NR6A1: variants seen among roughly 807,000 people sequenced by gnomAD.
The protein encoded by NR6A1 is nuclear receptor subfamily 6 group A member 1.
A neutral mutation model predicts 59.1 loss-of-function variants in NR6A1; 7 were observed. The observed-to-expected ratio is 0.12, with a 90% CI of 0.07 to 0.22. The LOEUF (loss-of-function observed/expected upper bound fraction) is 0.22. Ranked by LOEUF, NR6A1 falls within the 10% of genes least tolerant of loss-of-function variation. NR6A1 has a pLI of 1.00. For synonymous variants in NR6A1, 243 were observed against 236.1 expected (o/e 1.03, Z -0.27); for missense variants, 468 against 611.6 (o/e 0.77, Z 2.48).
intron 2 of NR6A1, among the ~76,000 whole-genome samples, chr9:124,616,234 T>C (rs995241754): frequency 6.6e-6 from 1 of 151,170 alleles, no homozygotes; most frequent in Non-Finnish European, 1.5e-5. Flanking sequence ...AAACCCCAAC[T>C]CTACTGAAAA....
intron 2 of NR6A1, among the ~76,000 whole-genome samples, chr9:124,724,440 A>G (rs574480646): frequency 2.0e-5 from 3 of 151,946 alleles, no homozygotes; most frequent in South Asian, 2.1e-4. Flanking sequence ...AAAAAAAAAA[A>G]CCACACAGCT....
rs540316772 is a variant in NR6A1, at chr9:124,745,944, C to A, written c.101-12595G>T. ...CAGAGGTTGCAGTAAGCCAAGATCG[C>A]GCCACTGCACTCCAGCCTGGGCGAC... On this transcript the variant is annotated intron_variant, in intron 1 of 9. Coordinates refer to ENST00000487099, the MANE Select transcript of NR6A1 (RefSeq NM_033334.4). Among the ~76,000 whole-genome samples, 7 of 142,340 alleles carry A rather than the reference C, an allele frequency of 4.9e-5. No individual in the cohort carries two copies. The Admixed American group carries it at 4.9e-4, about 10-fold the overall frequency. The allele number at this position is 142,340 out of a possible 152,430, so 93.4% of individuals were successfully genotyped here.
At chr9:124,532,623 T>C (rs759595266) in intron 7 of NR6A1, among the ~76,000 whole-genome samples, 4 of 152,218 alleles carry the variant, frequency 2.6e-5, no homozygotes, top group Non-Finnish European at 5.9e-5. Flanking sequence ...TTAACTGTTA[T>C]TTTTGCATCG....
At chr9:124,559,650 G>A (rs1834023353) in intron 2 of NR6A1, among the ~76,000 whole-genome samples, 1 of 152,100 alleles carries the variant, frequency 6.6e-6, no homozygotes, top group African/African-American at 2.4e-5. Flanking sequence ...GGTGGCACAT[G>A]CCTGTAATCC....
intron 2 of NR6A1, among the ~76,000 whole-genome samples, chr9:124,661,901 T>C (rs1015980015): frequency 1.3e-5 from 2 of 152,192 alleles, no homozygotes; most frequent in African/African-American, 4.8e-5. Context: ...ATAAGACATT[T>C]CTATCACTGC....
At chr9:124,583,338 C>T (rs750361461) in intron 2 of NR6A1, among the ~76,000 whole-genome samples, 1 of 152,242 alleles carries the variant, frequency 6.6e-6, no homozygotes. Flanking sequence ...ACCACTTAAC[C>T]GAGGCCTCTC....
chr9:124,738,279 G>C (rs1840070241), intron 1 of NR6A1, among the ~76,000 whole-genome samples: 1 of 151,968 alleles, frequency 6.6e-6, no homozygotes, highest in South Asian at 2.1e-4. Flanking sequence ...AAAAAGAAAA[G>C]CAGGCTCTTA....
intron 2 of NR6A1, among the ~76,000 whole-genome samples, chr9:124,620,910 T>G (rs1247683477): frequency 6.6e-6 from 1 of 152,198 alleles, no homozygotes; most frequent in African/African-American, 2.4e-5. Context: ...AACTTGCATT[T>G]CTCTATTTCA....
intron 2 of NR6A1, among the ~76,000 whole-genome samples, chr9:124,659,241 G>A (rs1364405568): frequency 6.6e-6 from 1 of 151,952 alleles, no homozygotes; most frequent in Non-Finnish European, 1.5e-5. Context: ...CCGTTCGATA[G>A]GCCAGCAGTG....
chr9:124,723,360 G>T (rs908791973), intron 2 of NR6A1, among the ~76,000 whole-genome samples: 1 of 152,178 alleles, frequency 6.6e-6, no homozygotes, highest in African/African-American at 2.4e-5. Flanking sequence ...TCATTTGGGA[G>T]GTTACCTGCT....
chr9:124,575,267 C>T (rs1834555235), intron 2 of NR6A1, among the ~76,000 whole-genome samples: 1 of 152,200 alleles, frequency 6.6e-6, no homozygotes, highest in Non-Finnish European at 1.5e-5. Flanking sequence ...TGAAGTCAAA[C>T]TGCCTGGATT....
chr9:124,695,072 T>C (rs1331238668), intron 2 of NR6A1, among the ~76,000 whole-genome samples: 1 of 152,206 alleles, frequency 6.6e-6, no homozygotes, highest in African/African-American at 2.4e-5. Flanking sequence ...TAGCTTAACA[T>C]CGGCTTCCTG....
At chr9:124,641,992 A>C (rs1184475427) in intron 2 of NR6A1, among the ~76,000 whole-genome samples, 1 of 152,114 alleles carries the variant, frequency 6.6e-6, no homozygotes, top group Non-Finnish European at 1.5e-5. Context: ...CTCAGGCTCT[A>C]AGTTTGAACT....
chr9:124,718,011 A>T (rs1839450790), intron 2 of NR6A1, among the ~76,000 whole-genome samples: 1 of 152,372 alleles, frequency 6.6e-6, no homozygotes, highest in Non-Finnish European at 1.5e-5. Context: ...TAGAGCAGCT[A>T]ACTGCTGGGC....
At chr9:124,730,501 C>T (rs1460594336) in intron 2 of NR6A1, among the ~76,000 whole-genome samples, 2 of 151,282 alleles carry the variant, frequency 1.3e-5, no homozygotes, top group African/African-American at 4.9e-5. Flanking sequence ...TCCCAAAGTG[C>T]TGGAATTACA....
At position 124,526,893 on chromosome 9, in the gene NR6A1, C is replaced by G; in HGVS notation, c.1087G>C (p.Asp363His). 3 of 1,613,894 alleles carry G rather than the reference C, an allele frequency of 1.9e-6. No individual in the cohort carries two copies. Among genetic ancestry groups the G allele is most frequent in the Non-Finnish European group, 2.5e-6 (3 of 1,179,806 alleles). ...PSDEELHRFS[D>H]EGMEVIERLI... ...CGCTCGATCACCTCCATCCCTTCATCACTAAATCTGAGGAACAGACACAGG... is the reference window on the plus strand; with the variant it reads ...CGCTCGATCACCTCCATCCCTTCATGACTAAATCTGAGGAACAGACACAGG... The change falls in exon 8 of 10, where the codon GAT (aspartate) becomes CAT (histidine). Residue 363 changes from aspartate to histidine, a missense_variant. Around this residue, in one of 4 missense-constraint regions of NR6A1, gnomAD observed 176 missense variants for 264.0 expected, o/e 0.67. Coordinates refer to ENST00000487099, the MANE Select transcript of NR6A1 (RefSeq NM_033334.4).
At chr9:124,726,837 G>A (rs974782057) in intron 2 of NR6A1, among the ~76,000 whole-genome samples, 8 of 152,194 alleles carry the variant, frequency 5.3e-5, no homozygotes, top group Admixed American at 6.5e-5. Context: ...TGTAAAATTC[G>A]TAACACACCA....
intron 2 of NR6A1, among the ~76,000 whole-genome samples, chr9:124,597,133 T>C (rs560731940): frequency 3.9e-5 from 6 of 152,280 alleles, no homozygotes; most frequent in African/African-American, 1.4e-4. Flanking sequence ...ACAGAGAGCA[T>C]TAGGGTCATC....
intron 2 of NR6A1, among the ~76,000 whole-genome samples, chr9:124,716,717 C>T: frequency 6.6e-6 from 1 of 152,202 alleles, no homozygotes; most frequent in Non-Finnish European, 1.5e-5. Context: ...CTGCAACCTC[C>T]ACCTTTCAGG....
Sources: allele counts gnomAD v4.1 joint callset (sites outside exome capture counted in the v4.1 genomes callset), GRCh38; gene constraint gnomAD v4.1.1; regional missense constraint gnomAD v4.1.1; transcripts MANE v1.5; gene names NCBI Gene and HGNC (gene_info 2026-07-23, HGNC 2026-07-21).